CDKL4: variants seen among roughly 807,000 people sequenced by gnomAD.
CDKL4 encodes the protein cyclin dependent kinase like 4, also known as cyclin-dependent kinase-like 4.
In CDKL4, 44 loss-of-function variants were observed where a neutral mutation model predicts 42.0. The ratio of observed to expected loss-of-function variants is 1.05; its 90% CI spans 0.82 to 1.35. The LOEUF is 1.35. Among genes scored for constraint, CDKL4 ranks in the 40% most tolerant of loss-of-function variants. CDKL4 has a pLI of 0.00. For missense variants in CDKL4, 393 were observed against 369.9 expected (o/e 1.06, Z -0.51); for synonymous variants, 120 against 121.6 (o/e 0.99, Z 0.09).
intron 6 of CDKL4, among the ~76,000 whole-genome samples, chr2:39,189,595 G>A (rs1417971832): frequency 8.5e-5 from 13 of 152,202 alleles, no homozygotes; most frequent in Non-Finnish European, 1.5e-5. Context: ...ATCTCGGGCA[G>A]GAGTGTGGGC....
At chr2:39,193,172 G>A (rs1553383058) in intron 5 of CDKL4, among the ~76,000 whole-genome samples, 1 of 141,874 alleles carries the variant, frequency 7.0e-6, no homozygotes, top group African/African-American at 2.6e-5. Context: ...GGTGGCTCAC[G>A]CCTGTAATCC....
intron 3 of CDKL4, among the ~76,000 whole-genome samples, chr2:39,221,001 G>GTTTTTTTTT (rs1678311355): frequency 2.5e-5 from 2 of 78,804 alleles, no homozygotes; most frequent in African/African-American, 4.7e-5. Flanking sequence ...TTTTTTTTTT[G>GTTTTTTTTT]TTTTTTTTTT....
intron 3 of CDKL4, among the ~76,000 whole-genome samples, chr2:39,221,267 G>A (rs1277229621): frequency 1.3e-5 from 2 of 151,536 alleles, no homozygotes; most frequent in African/African-American, 4.8e-5. Context: ...CAGCCACCTC[G>A]GCCTCCCAAA....
At chr2:39,232,049 T>C (rs560977184) in intron 1 of CDKL4, among the ~76,000 whole-genome samples, 6 of 152,370 alleles carry the variant, frequency 3.9e-5, no homozygotes, top group African/African-American at 1.2e-4. Flanking sequence ...TTTTAATGTA[T>C]GCATTATTTT....
At chr2:39,168,541 G>C in the CDKL4 span, among the ~76,000 whole-genome samples, 1 of 151,990 alleles carries the variant, frequency 6.6e-6, no homozygotes, top group Admixed American at 6.6e-5. Context: ...TTCAAGACCA[G>C]CCTGGTCAAC....
At chr2:39,188,083 C>CA (rs762735039) in intron 6 of CDKL4, among the ~76,000 whole-genome samples, 2 of 151,308 alleles carry the variant, frequency 1.3e-5, no homozygotes, top group Admixed American at 6.6e-5. Context: ...CAAAACAAAA[C>CA]AAACAAACAA....
chr2:39,244,666 C>T (rs993158825), upstream of CDKL4, among the ~76,000 whole-genome samples: 2 of 152,202 alleles, frequency 1.3e-5, no homozygotes, highest in South Asian at 2.1e-4. Flanking sequence ...TGCGAGCGAA[C>T]GGCGCGGGAC....
At chr2:39,223,181 A>G (rs145602416) in intron 3 of CDKL4, among the ~76,000 whole-genome samples, 1 of 152,214 alleles carries the variant, frequency 6.6e-6, no homozygotes, top group East Asian at 1.9e-4. Context: ...GGATATACCA[A>G]AATGCCTGTA....
chr2:39,194,631 T>C (rs1449875524), intron 5 of CDKL4, among the ~76,000 whole-genome samples: 1 of 152,250 alleles, frequency 6.6e-6, no homozygotes, highest in African/African-American at 2.4e-5. Flanking sequence ...ATCTTGCTAA[T>C]TTTTCTATTC....
At chr2:39,221,013 G>GTTTTTGTTTTTGT (rs373203432) in intron 3 of CDKL4, among the ~76,000 whole-genome samples, 36 of 73,796 alleles carry the variant, frequency 4.9e-4, no homozygotes, top group South Asian at 2.0e-3. Flanking sequence ...TTTTTTTTTT[G>GTTTTTGTTTTTGT]TTTTGTTTTT....
At chr2:39,168,218 A>T in the CDKL4 span, among the ~76,000 whole-genome samples, 1 of 152,206 alleles carries the variant, frequency 6.6e-6, no homozygotes, top group African/African-American at 2.4e-5. Flanking sequence ...ACATATAGCT[A>T]CGACTTCAAG....
intron 7 of CDKL4, among the ~76,000 whole-genome samples, chr2:39,185,551 C>T (rs1047133903): frequency 1.3e-5 from 2 of 149,672 alleles, no homozygotes; most frequent in Non-Finnish European, 3.0e-5. Flanking sequence ...CAAGCTCCGC[C>T]TCCCGGGTTG....
At chr2:39,192,957 C>T (rs902631426) in intron 5 of CDKL4, among the ~76,000 whole-genome samples, 34 of 149,426 alleles carry the variant, frequency 2.3e-4, no homozygotes, top group African/African-American at 7.9e-4. Context: ...GAAATCTTGT[C>T]CCTACAAAAA....
At chr2:39,225,739 A>G in intron 3 of CDKL4, 100 bp downstream of exon 3, 1 of 1,200,272 alleles carries the variant, frequency 8.3e-7, no homozygotes, top group Non-Finnish European at 1.1e-6. Context: ...TGTGGTAGAA[A>G]GGGGAATTGT....
intron 2 of CDKL4, among the ~76,000 whole-genome samples, chr2:39,229,096 C>T (rs1323501078): frequency 5.3e-5 from 8 of 151,736 alleles, no homozygotes; most frequent in South Asian, 2.1e-4. Flanking sequence ...GGGTTGGGGG[C>T]GAGCGTAAAC....
At chr2:39,176,146 T>C (rs1423851064) in intron 9 of CDKL4, 50 bp from the exon 10 acceptor site, 2 of 438,526 alleles carry the variant, frequency 4.6e-6, no homozygotes, top group African/African-American at 4.1e-5. Flanking sequence ...AAACAATTCC[T>C]ATTTGTACAG....
At chr2:39,221,753 GC>G (rs1373483224) in intron 3 of CDKL4, among the ~76,000 whole-genome samples, 2 of 152,192 alleles carry the variant, frequency 1.3e-5, no homozygotes, top group African/African-American at 4.8e-5. Flanking sequence ...GCTTGAACAT[GC>G]CTTGCTCTTT....
At position 39,185,525 on chromosome 2, in the gene CDKL4, C is replaced by T. The variant is rs11900883; in HGVS notation, c.736-878G>A. ...CCCAGGCTGGAGTGCAGTGGCAGCA[C>T]GAACAAGGCTCACAGCAAGCTCCGC... On this transcript the variant is annotated intron_variant, in intron 7 of 9. Coordinates refer to ENST00000451199, the Ensembl canonical transcript of CDKL4. 3.9e-3 allele frequency among the ~76,000 whole-genome samples: 569 copies of T among 146,006 alleles called. 6 individuals carry two copies. The highest frequency in any genetic ancestry group is 0.011 in the African/African-American group (410 of 38,562).
At chr2:39,209,731 A>G (rs1278676903) in intron 4 of CDKL4, among the ~76,000 whole-genome samples, 1 of 152,178 alleles carries the variant, frequency 6.6e-6, no homozygotes. Flanking sequence ...TGGTCTCTAC[A>G]GGTTTAAAGC....
Sources: allele counts gnomAD v4.1 joint callset (sites outside exome capture counted in the v4.1 genomes callset), GRCh38; gene constraint gnomAD v4.1.1; transcripts MANE v1.5; gene names NCBI Gene and HGNC (gene_info 2026-07-23, HGNC 2026-07-21).